The following TFEC variants were observed in gnomAD, a reference collection of about 807,000 sequenced individuals.
The protein encoded by TFEC is transcription factor EC, also known as class E basic helix-loop-helix protein 34.
Under a neutral mutation model 41.6 loss-of-function variants are expected in TFEC, and 31 were observed. The ratio of observed to expected loss-of-function variants is 0.74; its 90% CI spans 0.56 to 1.01. The LOEUF (loss-of-function observed/expected upper bound fraction) is 1.01, where lower values mean the gene tolerates loss of function less well. Ranked by LOEUF, TFEC falls within the 50% of genes least tolerant of loss-of-function variation. The pLI is 0.00. For synonymous variants in TFEC, 143 were observed against 140.6 expected (o/e 1.02, Z -0.12); for missense variants, 402 against 404.1 (o/e 0.99, Z 0.04).
intron 1 of TFEC, among the ~76,000 whole-genome samples, chr7:116,158,380 T>C (rs1354048380): frequency 2.0e-5 from 3 of 152,080 alleles, no homozygotes; most frequent in African/African-American, 7.2e-5. Flanking sequence ...ATACCTAAAC[T>C]GAGTAAGCCA....
At chr7:116,087,305 C>T (rs945473860) in intron 3 of TFEC, among the ~76,000 whole-genome samples, 10 of 151,936 alleles carry the variant, frequency 6.6e-5, no homozygotes, top group Non-Finnish European at 2.9e-5. Context: ...TTCTAAGGGA[C>T]TGTTACAGGT....
intron 3 of TFEC, among the ~76,000 whole-genome samples, chr7:116,100,650 A>T (rs935002484): frequency 6.6e-6 from 1 of 152,106 alleles, no homozygotes; most frequent in Non-Finnish European, 1.5e-5. Context: ...TCAGGATAAG[A>T]TGAAACATTC....
At chr7:116,051,337 C>G (rs1369557566) in intron 3 of TFEC, among the ~76,000 whole-genome samples, 2 of 152,104 alleles carry the variant, frequency 1.3e-5, no homozygotes, top group Non-Finnish European at 2.9e-5. Context: ...TGAGGAGGTA[C>G]TATTTTAATC....
At chr7:116,058,099 AT>A (rs1448833706) in intron 3 of TFEC, among the ~76,000 whole-genome samples, 4 of 151,818 alleles carry the variant, frequency 2.6e-5, no homozygotes, top group African/African-American at 7.2e-5. Context: ...GTTAGATTGT[AT>A]TTTTTTAATT....
intron 1 of TFEC, among the ~76,000 whole-genome samples, chr7:116,124,854 A>C (rs1057208439): frequency 6.6e-6 from 1 of 152,216 alleles, no homozygotes; most frequent in East Asian, 1.9e-4. Context: ...TATGTATGCA[A>C]GGCACTGTGC....
chr7:116,055,500 A>G (rs1004062958), intron 3 of TFEC, among the ~76,000 whole-genome samples: 4 of 152,046 alleles, frequency 2.6e-5, no homozygotes, highest in African/African-American at 9.7e-5. Context: ...TTTATAATCC[A>G]TTAGGACCCT....
intron 1 of TFEC, among the ~76,000 whole-genome samples, chr7:116,112,255 G>A (rs1451704841): frequency 6.6e-6 from 1 of 151,900 alleles, no homozygotes; most frequent in Non-Finnish European, 1.5e-5. Context: ...CACTACTTGA[G>A]AGCAAATAAC....
Position 115,940,716 on chromosome 7 carries a change from T to C in TFEC, c.879A>G (p.Ser293=). ...GTTCCTCTTTCAATGCAGCACTAAA[T>C]GATAAATCTGTGAAGTATGACAAAG... The part of the protein sequence containing the change: ...SDPLSYFTDL[S]FSAALKEEQR... Residue 293 remains serine (S), a synonymous_variant, in exon 8 of 8, where the codon TCA becomes TCG. Transcript: ENST00000265440. 6.2e-7 allele frequency: 1 copy of C among 1,613,580 alleles called. No homozygotes were observed. The highest frequency in any genetic ancestry group is 8.5e-7 in the Non-Finnish European group (1 of 1,179,650).
intron 3 of TFEC, among the ~76,000 whole-genome samples, chr7:116,051,199 T>C (rs1796303327): frequency 6.6e-6 from 1 of 152,152 alleles, no homozygotes; most frequent in Non-Finnish European, 1.5e-5. Context: ...CTAATGTAAA[T>C]GACGAGTTAA....
rs999083363 is a variant in TFEC, at chr7:115,940,132, G to C, written c.*419C>G. ...ACCTGATATGTTGATCTTGATTCCG[G>C]AAGACTGATGTGAAAGTTGAAGAGA... On this transcript the variant is annotated 3_prime_UTR_variant, in exon 8 of 8. Transcript: ENST00000265440. 1 of 155,130 alleles carries C rather than the reference G, an allele frequency of 6.4e-6. No individual in the cohort carries two copies. Among genetic ancestry groups the C allele is most frequent in the African/African-American group, 2.4e-5 (1 of 41,420 alleles). The allele number at this position is 155,130 out of a possible 1,614,324, so 9.6% of individuals were successfully genotyped here.
At chr7:116,110,781 T>C in exon 3 of TFEC, 1 of 1,547,720 alleles carries the variant, frequency 6.5e-7, no homozygotes, top group South Asian at 1.2e-5. Flanking sequence ...CACTGGTTTG[T>C]ATGAAAACTG....
At chr7:115,967,132 C>T (rs552374250) in intron 3 of TFEC, among the ~76,000 whole-genome samples, 1 of 150,870 alleles carries the variant, frequency 6.6e-6, no homozygotes, top group Non-Finnish European at 1.5e-5. Context: ...ATTATAAATA[C>T]AAAAATGTAA....
chr7:115,956,552 A>T, intron 4 of TFEC, 127 bp downstream of exon 4: 1 of 526,446 alleles, frequency 1.9e-6, no homozygotes, highest in Non-Finnish European at 3.2e-6. Context: ...AGATGAATTT[A>T]CTGTCTGCCT....
chr7:116,145,087 A>T (rs956533886), intron 1 of TFEC, among the ~76,000 whole-genome samples: 1 of 152,334 alleles, frequency 6.6e-6, no homozygotes, highest in South Asian at 2.1e-4. Flanking sequence ...ATTCTATAAC[A>T]ATCACCCCAC....
At chr7:116,020,598 A>G (rs568527649) in intron 1 of TFEC, among the ~76,000 whole-genome samples, 2 of 152,292 alleles carry the variant, frequency 1.3e-5, no homozygotes, top group East Asian at 1.9e-4. Flanking sequence ...CTGCAAAGCA[A>G]AGCTAACATG....
rs1204674080 is a variant in TFEC at position 116,030,742 on chromosome 7, G to A, written c.-182C>T. 4.1e-6 allele frequency: 4 copies of A among 985,202 alleles called. No individual in the cohort carries two copies. The highest frequency in any genetic ancestry group is 9.4e-5 in the South Asian group (2 of 21,282). 61.0% of individuals were successfully genotyped at this position (985,202 alleles called of 1,614,324 possible). ...GCCAGAAGGGACAACCAAAGTAAAC[G>A]ATCTAGCCGTGAGTAATGAATACTT... On this transcript the variant is annotated 5_prime_UTR_variant, in exon 1 of 8. Transcript: ENST00000265440.
At chr7:116,096,556 T>A (rs1392084779) in intron 3 of TFEC, among the ~76,000 whole-genome samples, 1 of 152,090 alleles carries the variant, frequency 6.6e-6, no homozygotes, top group Admixed American at 6.6e-5. Flanking sequence ...AACTTCTCCA[T>A]GACATATGAT....
intron 3 of TFEC, among the ~76,000 whole-genome samples, chr7:116,081,934 C>T (rs1797100146): frequency 6.6e-6 from 1 of 152,004 alleles, no homozygotes; most frequent in Non-Finnish European, 1.5e-5. Flanking sequence ...GCTACCTCTT[C>T]TATGCAATCT....
intron 1 of TFEC, among the ~76,000 whole-genome samples, chr7:116,029,904 CAA>C (rs34533153): frequency 6.8e-6 from 1 of 146,678 alleles, no homozygotes; most frequent in East Asian, 2.0e-4. Flanking sequence ...ACTAAAGATA[CAA>C]AAAAAAAAAA....
Sources: allele counts gnomAD v4.1 joint callset (sites outside exome capture counted in the v4.1 genomes callset), GRCh38; gene constraint gnomAD v4.1.1; transcripts MANE v1.5; gene names NCBI Gene and HGNC (gene_info 2026-07-23, HGNC 2026-07-21).